GRAMD1C: variants seen among roughly 807,000 people sequenced by gnomAD.
The protein encoded by GRAMD1C is GRAM domain containing 1C, also known as protein Aster-C.
Under a neutral mutation model 97.8 loss-of-function variants are expected in GRAMD1C, and 89 were observed. The observed-to-expected ratio is 0.91, with a 90% CI of 0.77 to 1.09. The LOEUF is 1.09. Ranked by LOEUF, GRAMD1C falls within the 50% of genes least tolerant of loss-of-function variation. The pLI, the probability that GRAMD1C is intolerant of heterozygous loss-of-function variation, is 0.00. For synonymous variants in GRAMD1C, 256 were observed against 267.0 expected (o/e 0.96, Z 0.40); for missense variants, 740 against 766.4 (o/e 0.97, Z 0.41).
At chr3:113,892,427 G>A (rs1236857487) in intron 6 of GRAMD1C, among the ~76,000 whole-genome samples, 1 of 152,096 alleles carries the variant, frequency 6.6e-6, no homozygotes, top group African/African-American at 2.4e-5. Flanking sequence ...AGCTGAGATG[G>A]TGCCACTGCA....
At chr3:113,896,376 A>G (rs974677269) in intron 6 of GRAMD1C, among the ~76,000 whole-genome samples, 15 of 150,976 alleles carry the variant, frequency 9.9e-5, no homozygotes, top group Admixed American at 7.2e-4. Flanking sequence ...CCACTCCTCT[A>G]TTTTCTCTTT....
chr3:113,841,162 G>A (rs867290139), intron 1 of GRAMD1C, among the ~76,000 whole-genome samples: 33 of 151,992 alleles, frequency 2.2e-4, no homozygotes, highest in African/African-American at 7.5e-4. Context: ...TGACATCATC[G>A]AGGATGCAGT....
intron 6 of GRAMD1C, among the ~76,000 whole-genome samples, chr3:113,893,960 C>T (rs1181430184): frequency 6.6e-6 from 1 of 152,148 alleles, no homozygotes; most frequent in Non-Finnish European, 1.5e-5. Flanking sequence ...AAACAGCATT[C>T]AGGGCACACC....
intron 2 of GRAMD1C, among the ~76,000 whole-genome samples, chr3:113,868,070 C>T (rs919103332): frequency 9.2e-5 from 14 of 152,016 alleles, no homozygotes; most frequent in African/African-American, 2.4e-4. Context: ...CTGTTGAGAC[C>T]CTCTAGTGAA....
At chr3:113,921,288 T>C (rs994263262) in intron 10 of GRAMD1C, among the ~76,000 whole-genome samples, 4 of 152,232 alleles carry the variant, frequency 2.6e-5, no homozygotes, top group African/African-American at 9.6e-5. Flanking sequence ...ATATGTACCA[T>C]ATTTTCTTTA....
intron 9 of GRAMD1C, among the ~76,000 whole-genome samples, chr3:113,911,837 C>T (rs1006357211): frequency 7.6e-4 from 115 of 152,134 alleles, no homozygotes; most frequent in African/African-American, 2.7e-3. Flanking sequence ...ACACCATTCT[C>T]CTGCCTCAGC....
intron 2 of GRAMD1C, among the ~76,000 whole-genome samples, chr3:113,866,121 CTT>C (rs1035405707): frequency 6.6e-6 from 1 of 152,032 alleles, no homozygotes; most frequent in African/African-American, 2.4e-5. Flanking sequence ...GTTCAAGTCT[CTT>C]ATATCCTTGC....
intron 10 of GRAMD1C, among the ~76,000 whole-genome samples, chr3:113,917,477 C>A (rs866597460): frequency 3.0e-4 from 46 of 151,768 alleles, no homozygotes; most frequent in African/African-American, 1.1e-3. Context: ...GCATGCGCCA[C>A]CACGCCTGGA....
At chr3:113,863,335 A>C (rs1386532391) in intron 2 of GRAMD1C, among the ~76,000 whole-genome samples, 1 of 152,176 alleles carries the variant, frequency 6.6e-6, no homozygotes, top group Non-Finnish European at 1.5e-5. Flanking sequence ...GGCTACAGAC[A>C]CAAAGGGCCA....
intron 2 of GRAMD1C, among the ~76,000 whole-genome samples, chr3:113,856,817 G>A (rs540217212): frequency 1.5e-3 from 232 of 151,696 alleles, no homozygotes; most frequent in Non-Finnish European, 2.7e-3. Flanking sequence ...GGGATTACAG[G>A]CATGAGCCAC....
chr3:113,887,088 TTTTTTTTG>T (rs1471947171), intron 6 of GRAMD1C, among the ~76,000 whole-genome samples: 25 of 98,712 alleles, frequency 2.5e-4, no homozygotes, highest in South Asian at 8.7e-4. Flanking sequence ...CCTTTTTGTT[TTTTTTTTG>T]TTTTTTTTTT....
intron 6 of GRAMD1C, among the ~76,000 whole-genome samples, chr3:113,894,571 G>A (rs951996905): frequency 3.9e-5 from 6 of 152,108 alleles, no homozygotes; most frequent in Admixed American, 3.9e-4. Context: ...GAGCCACCAC[G>A]CCCGGCCTGT....
Position 113,945,386 on chromosome 3 carries a change from C to T in GRAMD1C, c.1909-12C>T. ...AAATTAATCTGATTTTGAAAATTAA[C>T]TTTGTTTACAGCTGAAGAGCTCACT... On this transcript the variant is annotated splice_polypyrimidine_tract_variant and intron_variant, in intron 17 of 17. Coordinates refer to ENST00000358160, the MANE Select transcript of GRAMD1C (RefSeq NM_017577.5). The T allele has an allele frequency of 1.3e-6, 2 of 1,520,338 alleles. No homozygotes were observed. Among genetic ancestry groups the T allele is most frequent in the Non-Finnish European group, 9.0e-7 (1 of 1,109,068 alleles). 94.2% of individuals were successfully genotyped at this position (1,520,338 alleles called of 1,614,324 possible).
chr3:113,850,969 A>AT (rs879512552), intron 2 of GRAMD1C, among the ~76,000 whole-genome samples: 4 of 151,720 alleles, frequency 2.6e-5, no homozygotes, highest in Admixed American at 2.6e-4. Flanking sequence ...CGCCCGGCTA[A>AT]TTTTTTGTAT....
intron 2 of GRAMD1C, among the ~76,000 whole-genome samples, chr3:113,858,576 A>G (rs1295523373): frequency 1.3e-5 from 2 of 151,796 alleles, no homozygotes; most frequent in Non-Finnish European, 2.9e-5. Flanking sequence ...TTTGTGTTTT[A>G]GTAGAGACAG....
chr3:113,884,845 G>GA (rs1278760672), intron 6 of GRAMD1C, among the ~76,000 whole-genome samples: 127 of 136,194 alleles, frequency 9.3e-4, no homozygotes, highest in South Asian at 5.4e-3. Flanking sequence ...TCAAAAAAAA[G>GA]AAAAAAAAAA....
intron 2 of GRAMD1C, chr3:113,850,331 C>A: frequency 2.7e-6 from 2 of 731,232 alleles, no homozygotes; most frequent in Admixed American, 3.5e-5. Flanking sequence ...CTTGTTGGCA[C>A]CAGGGGGCAC....
At chr3:113,878,483 G>T (rs563319503) in intron 5 of GRAMD1C, among the ~76,000 whole-genome samples, 67 of 152,116 alleles carry the variant, frequency 4.4e-4, no homozygotes, top group Non-Finnish European at 6.9e-4. Flanking sequence ...CTTTAAGGGG[G>T]TATAATAATG....
intron 10 of GRAMD1C, among the ~76,000 whole-genome samples, chr3:113,929,436 C>G (rs1441292979): frequency 1.3e-5 from 2 of 152,178 alleles, no homozygotes; most frequent in Non-Finnish European, 2.9e-5. Context: ...GGGTAACATT[C>G]ATGGGAAGAC....
Sources: allele counts gnomAD v4.1 joint callset (sites outside exome capture counted in the v4.1 genomes callset), GRCh38; gene constraint gnomAD v4.1.1; transcripts MANE v1.5; gene names NCBI Gene and HGNC (gene_info 2026-07-23, HGNC 2026-07-21).